The following ARSF variants were observed in gnomAD, a reference collection of about 807,000 sequenced individuals.
The protein encoded by ARSF is arylsulfatase F.
In ARSF, 33 loss-of-function variants were observed where a neutral mutation model predicts 35.4. The ratio of observed to expected loss-of-function variants is 0.93; its 90% confidence interval spans 0.71 to 1.25. ARSF has a LOEUF of 1.25. ARSF is among the 50% of genes most tolerant of loss of function. The pLI is 0.00. For missense variants in ARSF, 501 were observed against 480.2 expected, an observed-to-expected ratio of 1.04 and a Z score of -0.40; for synonymous variants, 222 against 193.1, an observed-to-expected ratio of 1.15 and a Z score of -1.24.
chrX:3,071,402 C>T (rs2090103134), intron 2 of ARSF, among the ~76,000 whole-genome samples: 1 of 110,580 alleles, frequency 9.0e-6, no homozygotes, highest in Non-Finnish European at 1.9e-5. Context: ...CTCCCGGGTT[C>T]AAGTGATTCT....
intron 1 of ARSF, among the ~76,000 whole-genome samples, chrX:3,056,582 C>G (rs931985633): frequency 1.8e-5 from 2 of 111,322 alleles, no homozygotes; most frequent in African/African-American, 6.5e-5. Context: ...GACGAAGCAT[C>G]ATTCTTAATT....
intron 7 of ARSF, among the ~76,000 whole-genome samples, chrX:3,098,748 A>T (rs776138188): frequency 9.0e-6 from 1 of 111,550 alleles, no homozygotes. Context: ...AGACTAATAC[A>T]GTATGTAACA....
intron 4 of ARSF, among the ~76,000 whole-genome samples, chrX:3,080,547 T>C (rs1297874792): frequency 9.0e-6 from 1 of 111,256 alleles, no homozygotes; most frequent in Non-Finnish European, 1.9e-5. Flanking sequence ...GAGGCTTATC[T>C]ACAACAGACA....
chrX:3,077,625 C>CTT (rs1303032391), intron 4 of ARSF, among the ~76,000 whole-genome samples: 2 of 108,347 alleles, frequency 1.8e-5, no homozygotes, highest in African/African-American at 6.7e-5. Flanking sequence ...GGTGACAGAG[C>CTT]GAGACTCTGT....
chrX:3,091,115 A>G (rs751380879), intron 7 of ARSF, among the ~76,000 whole-genome samples: 17 of 111,275 alleles, frequency 1.5e-4, no homozygotes, highest in Non-Finnish European at 2.6e-4. Context: ...AGGTTTTTCC[A>G]TGTTACCCAG....
rs181351064 is a variant in ARSF, at chrX:3,112,717, T to C, written c.*161T>C. 1.3e-6 allele frequency: 1 copy of C among 791,521 alleles called. No homozygotes were observed. Among genetic ancestry groups the C allele is most frequent in the East Asian group, 3.8e-5 (1 of 26,180 alleles). The allele number at this position is 791,521 out of a possible 1,213,427, so 65.2% of individuals were successfully genotyped here. On this transcript the variant is annotated 3_prime_UTR_variant, in exon 11 of 11. Transcript: ENST00000381127. The stretch of plus-strand genomic sequence containing the variant: ...CCATTCCAGATTATTAAAGGCCCAC[T>C]GGTTGTTCCACTTGCTGCTTTTTTT...
Position 3,112,178 on chromosome X carries a change from G to A in ARSF, c.1395G>A (p.Gly465=). Residue 465 remains glycine, a synonymous_variant, in exon 11 of 11, where the codon GGG becomes GGA. Coordinates refer to ENST00000381127, the MANE Select transcript of ARSF (RefSeq NM_001201539.2). Reference sequence around the variant, plus strand: ...AGTCTCTCTTTTCTCCTCCAGGTGGGTCAGTTTGGAAGGCTCACTATGTGA... The same window carrying A: ...AGTCTCTCTTTTCTCCTCCAGGTGGATCAGTTTGGAAGGCTCACTATGTGA... ...AVRWIPKDDS[G]SVWKAHYVTP... 8.3e-7 allele frequency: 1 copy of A among 1,202,633 alleles called. No individual in the cohort carries two copies. The highest frequency in any genetic ancestry group is 1.1e-6 in the Non-Finnish European group (1 of 891,248).
At chrX:3,077,718 T>G (rs2090163270) in intron 4 of ARSF, among the ~76,000 whole-genome samples, 1 of 110,098 alleles carries the variant, frequency 9.1e-6, no homozygotes, top group Non-Finnish European at 1.9e-5. Flanking sequence ...TTGGACAACT[T>G]TCATCACAGC....
rs751005503 is a variant in ARSF, at chrX:3,080,878, A to G, written c.284-13A>G. 1.4e-4 allele frequency: 174 copies of G among 1,206,536 alleles called. 1 individual carries two copies. In the Middle Eastern group the frequency reaches 2.8e-3, roughly 19 times the overall value. On this transcript the variant is annotated splice_polypyrimidine_tract_variant and intron_variant, in intron 4 of 10. Transcript: ENST00000381127. ...ACACCTACTCATTGTACTTTTTTCCACACTACATCTAGGTATGGTTTCTAG... is the reference window on the plus strand; with the variant it reads ...ACACCTACTCATTGTACTTTTTTCCGCACTACATCTAGGTATGGTTTCTAG...
chrX:3,110,344 G>A (rs5983012), intron 10 of ARSF, 92 bp downstream of exon 10: 75,215 of 916,146 alleles, frequency 0.082, 2,845 homozygotes, highest in African/African-American at 0.21. Context: ...TCTCTAGACC[G>A]GTCCTTTCAT....
chrX:3,054,511 C>T (rs755973644), intron 1 of ARSF, among the ~76,000 whole-genome samples: 287 of 110,032 alleles, frequency 2.6e-3, no homozygotes, highest in Non-Finnish European at 4.2e-3. Context: ...ACTATGTGGT[C>T]CAGACTGGTT....
chrX:3,096,892 C>T (rs1197706431), intron 7 of ARSF, among the ~76,000 whole-genome samples: 1 of 110,918 alleles, frequency 9.0e-6, no homozygotes, highest in African/African-American at 3.3e-5. Flanking sequence ...AGGGTCGTTG[C>T]AGGTGGAATC....
intron 7 of ARSF, among the ~76,000 whole-genome samples, chrX:3,092,258 C>T (rs891194318): frequency 1.2e-4 from 13 of 111,181 alleles, no homozygotes; most frequent in African/African-American, 4.2e-4. Context: ...TTACTTTCTG[C>T]CTCCACCAGC....
At position 3,112,181 on chromosome X, in the gene ARSF, A is replaced by T; in HGVS notation, c.1398A>T (p.Ser466=). The T allele has an allele frequency of 8.3e-7, 1 of 1,202,939 alleles. No homozygotes were observed. The highest frequency in any genetic ancestry group is 1.1e-6 in the Non-Finnish European group (1 of 891,410). Residue 466 remains serine (S), a synonymous_variant, in exon 11 of 11, where the codon TCA becomes TCT. Transcript: ENST00000381127. ...VRWIPKDDSG[S]VWKAHYVTPV... is the part of the protein sequence containing the mutation. The stretch of plus-strand genomic sequence containing the variant: ...CTCTCTTTTCTCCTCCAGGTGGGTC[A>T]GTTTGGAAGGCTCACTATGTGACCC...
chrX:3,051,799 C>T (rs1440761479), intron 1 of ARSF, among the ~76,000 whole-genome samples: 1 of 111,140 alleles, frequency 9.0e-6, no homozygotes, highest in African/African-American at 3.3e-5. Flanking sequence ...TCAAGACCAG[C>T]CTGGGCAGCA....
chrX:3,098,208 G>A (rs183400612), intron 7 of ARSF, among the ~76,000 whole-genome samples: 7 of 109,793 alleles, frequency 6.4e-5, no homozygotes, highest in East Asian at 2.9e-4. Flanking sequence ...CAAGGGATCC[G>A]CCTTCCTTGC....
chrX:3,040,735 A>T (rs1022871078), upstream of ARSF, among the ~76,000 whole-genome samples: 1 of 110,694 alleles, frequency 9.0e-6, no homozygotes, highest in Non-Finnish European at 1.9e-5. Context: ...ACAGGGAACC[A>T]CACAACAAAA....
intron 1 of ARSF, among the ~76,000 whole-genome samples, chrX:3,063,439 T>C (rs1180835419): frequency 9.0e-6 from 1 of 111,707 alleles, no homozygotes; most frequent in African/African-American, 3.2e-5. Flanking sequence ...AACATAGTGT[T>C]GGAAGTTCTG....
intron 4 of ARSF, among the ~76,000 whole-genome samples, chrX:3,077,007 T>C (rs1191645121): frequency 9.0e-6 from 1 of 110,544 alleles, no homozygotes; most frequent in South Asian, 4.0e-4. Context: ...ATCACAGCAT[T>C]GCACTCTAGC....
Sources: gnomAD v4.1 joint callset for allele counts (sites outside exome capture counted in the v4.1 genomes callset) on GRCh38, gnomAD v4.1.1 for gene constraint, MANE v1.5 for transcripts, NCBI Gene and HGNC (gene_info 2026-07-23, HGNC 2026-07-21) for gene names.